The following ATG4A variants were observed in gnomAD, a reference collection of about 807,000 sequenced individuals.
ATG4A encodes the protein autophagy related 4A cysteine peptidase.
In ATG4A, 22 loss-of-function variants were observed where a neutral mutation model predicts 38.4. The ratio of observed to expected loss-of-function variants is 0.57; its 90% CI spans 0.41 to 0.82. The LOEUF (loss-of-function observed/expected upper bound fraction) is 0.82, where lower values mean the gene tolerates loss of function less well. Ranked by LOEUF, ATG4A falls within the 40% of genes least tolerant of loss-of-function variation. The probability of loss-of-function intolerance (pLI) is 0.00; values close to 1 mark genes in which losing one functional copy is unlikely to be tolerated. For synonymous variants in ATG4A, 86 were observed against 100.7 expected (o/e 0.85, Z 0.88); for missense variants, 220 against 290.0 (o/e 0.76, Z 1.75).
chrX:108,113,602 G>A (rs1003690172), intron 1 of ATG4A, among the ~76,000 whole-genome samples: 1 of 111,297 alleles, frequency 9.0e-6, no homozygotes, highest in Non-Finnish European at 1.9e-5. Flanking sequence ...AGACATACCC[G>A]AGACTGCGAA....
intron 1 of ATG4A, among the ~76,000 whole-genome samples, chrX:108,105,185 T>A (rs991980781): frequency 5.4e-5 from 6 of 111,422 alleles, no homozygotes; most frequent in African/African-American, 2.0e-4. Context: ...TTTGTTGGGA[T>A]CTGCACATCT....
chrX:108,146,151 C>A (rs1200570972), intron 9 of ATG4A, among the ~76,000 whole-genome samples: 2 of 111,571 alleles, frequency 1.8e-5, no homozygotes, highest in African/African-American at 6.5e-5. Context: ...CTCAAGGGGA[C>A]CCGGCCTCCC....
At chrX:108,100,809 G>A (rs1019943037) in intron 1 of ATG4A, among the ~76,000 whole-genome samples, 11 of 111,438 alleles carry the variant, frequency 9.9e-5, no homozygotes, top group African/African-American at 3.6e-4. Context: ...CATATTTGCT[G>A]GGGATATTTG....
At chrX:108,112,395 C>CTT (rs889066930) in intron 1 of ATG4A, among the ~76,000 whole-genome samples, 2 of 102,454 alleles carry the variant, frequency 2.0e-5, no homozygotes, top group Non-Finnish European at 2.0e-5. Context: ...ACTTCCCTGA[C>CTT]TTTTTTTTTT....
At chrX:108,095,472 C>T (rs996252174) in intron 1 of ATG4A, among the ~76,000 whole-genome samples, 3 of 111,435 alleles carry the variant, frequency 2.7e-5, no homozygotes, top group Non-Finnish European at 5.7e-5. Flanking sequence ...GATCCTCCCA[C>T]CTAGGTCTCA....
chrX:108,141,088 A>G (rs1271854410), intron 9 of ATG4A, among the ~76,000 whole-genome samples: 3 of 77,577 alleles, frequency 3.9e-5, no homozygotes, highest in Non-Finnish European at 7.2e-5. Flanking sequence ...ATATATATAT[A>G]TATATATATA....
intron 2 of ATG4A, among the ~76,000 whole-genome samples, chrX:108,128,112 T>C (rs1338988256): frequency 2.7e-5 from 3 of 111,932 alleles, no homozygotes; most frequent in African/African-American, 9.7e-5. Flanking sequence ...CCCTAGTTTT[T>C]GTTTTGTTTT....
chrX:108,133,414 A>G (rs1255169955), intron 4 of ATG4A, among the ~76,000 whole-genome samples: 1 of 112,486 alleles, frequency 8.9e-6, no homozygotes, highest in Non-Finnish European at 1.9e-5. Context: ...GTACAGATGC[A>G]GTTATTTTGG....
chrX:108,148,517 T>TACACAC (rs368317060), intron 9 of ATG4A, among the ~76,000 whole-genome samples: 22 of 94,949 alleles, frequency 2.3e-4, no homozygotes, highest in African/African-American at 6.2e-4. Flanking sequence ...TCCATGCACA[T>TACACAC]ACACACACAC....
intron 9 of ATG4A, among the ~76,000 whole-genome samples, chrX:108,141,468 G>T (rs1486351775): frequency 9.0e-6 from 1 of 111,357 alleles, no homozygotes; most frequent in Non-Finnish European, 1.9e-5. Context: ...TTTCTTCAAG[G>T]TGATTCTGTT....
chrX:108,133,008 A>G (rs750044872), intron 4 of ATG4A, among the ~76,000 whole-genome samples: 1 of 112,213 alleles, frequency 8.9e-6, no homozygotes, highest in Admixed American at 9.4e-5. Flanking sequence ...ATTTAGTGCT[A>G]TTTAGCAGCC....
chrX:108,141,559 G>T (rs1167793717), intron 9 of ATG4A, among the ~76,000 whole-genome samples: 2 of 111,511 alleles, frequency 1.8e-5, no homozygotes, highest in Non-Finnish European at 3.8e-5. Flanking sequence ...GGGCCCTCCT[G>T]CCCAGTGGGA....
intron 1 of ATG4A, among the ~76,000 whole-genome samples, chrX:108,099,663 T>C (rs2031943951): frequency 8.9e-6 from 1 of 112,208 alleles, no homozygotes; most frequent in South Asian, 3.6e-4. Flanking sequence ...CATTTTAAGT[T>C]AATATTTGGC....
At chrX:108,135,785 G>T (rs1298093247) in intron 6 of ATG4A, among the ~76,000 whole-genome samples, 3 of 83,257 alleles carry the variant, frequency 3.6e-5, no homozygotes, top group African/African-American at 1.4e-4. Flanking sequence ...TGGAAACCTA[G>T]ATTTTTTTTT....
chrX:108,137,239 T>G (rs2048392610), intron 7 of ATG4A, 69 bp downstream of exon 7: 1 of 970,813 alleles, frequency 1.0e-6, no homozygotes, highest in African/African-American at 1.9e-5. Flanking sequence ...TTCAGTATTC[T>G]GGGGCTCAAG....
intron 1 of ATG4A, among the ~76,000 whole-genome samples, chrX:108,117,861 T>C (rs2032549856): frequency 8.9e-6 from 1 of 112,427 alleles, no homozygotes; most frequent in Non-Finnish European, 1.9e-5. Flanking sequence ...TGCACCTGTC[T>C]TTTCTCACTG....
At chrX:108,145,718 T>G in intron 9 of ATG4A, among the ~76,000 whole-genome samples, 1 of 112,075 alleles carries the variant, frequency 8.9e-6, no homozygotes, top group Non-Finnish European at 1.9e-5. Flanking sequence ...TAGAGGAAGC[T>G]CTAATGGCTT....
chrX:108,126,175 C>T lies in ATG4A; in HGVS notation c.109C>T (p.Leu37Phe), dbSNP rs764437284. ...ELVWILGKQH[L>F]LKTEKSKLLS... ...GGTATGGATCTTAGGGAAGCAGCAT[C>T]TCCTTAAAACAGGTAAGATTTGGTA... Residue 37 changes from leucine to phenylalanine, a missense_variant, in exon 2 of 13, where the codon CTC (leucine) becomes TTC (phenylalanine). By Grantham distance (22) the Leu-to-Phe change is conservative. Transcript: ENST00000372232. 4 of 1,194,374 alleles carry T rather than the reference C, an allele frequency of 3.3e-6. No homozygotes were observed. Among genetic ancestry groups the T allele is most frequent in the Non-Finnish European group, 4.5e-6 (4 of 880,521 alleles).
At chrX:108,109,606 T>C (rs1461717127) in intron 1 of ATG4A, among the ~76,000 whole-genome samples, 1 of 112,515 alleles carries the variant, frequency 8.9e-6, no homozygotes, top group Non-Finnish European at 1.9e-5. Context: ...TTTACAGTTT[T>C]AGGTCTTATG....
Sources: allele counts gnomAD v4.1 joint callset (sites outside exome capture counted in the v4.1 genomes callset), GRCh38; gene constraint gnomAD v4.1.1; transcripts MANE v1.5; gene names NCBI Gene and HGNC (gene_info 2026-07-23, HGNC 2026-07-21).